SFXN5: variants seen among roughly 807,000 people sequenced by gnomAD.
SFXN5 encodes sideroflexin 5, also known as sideroflexin-5.
Under a neutral mutation model 50.2 loss-of-function variants are expected in SFXN5, and 43 were observed. The ratio of observed to expected loss-of-function variants is 0.86; its 90% CI spans 0.67 to 1.11. SFXN5 has a LOEUF of 1.11. Ranked by LOEUF, SFXN5 falls within the 50% of genes least tolerant of loss-of-function variation. SFXN5 has a pLI of 0.00. For synonymous variants in SFXN5, 203 were observed against 185.8 expected (o/e 1.09, Z -0.75); for missense variants, 463 against 454.1 (o/e 1.02, Z -0.18).
chr2:73,019,363 A>AG (rs913425061), intron 6 of SFXN5: 7 of 150,406 alleles, frequency 4.7e-5, no homozygotes, highest in Non-Finnish European at 7.4e-5. Context: ...CTCAGTTGGG[A>AG]GGGTGTTATA....
At chr2:73,065,360 C>T (rs991259527) in intron 1 of SFXN5, among the ~76,000 whole-genome samples, 12 of 152,090 alleles carry the variant, frequency 7.9e-5, no homozygotes, top group African/African-American at 2.2e-4. Flanking sequence ...CTTGGCCTCT[C>T]GAAGTGCTGG....
intron 2 of SFXN5, among the ~76,000 whole-genome samples, chr2:73,055,230 G>T (rs909732816): frequency 3.3e-5 from 5 of 152,278 alleles, no homozygotes; most frequent in Admixed American, 2.0e-4. Context: ...CTTCTGCCGT[G>T]TAATCTCGGG....
chr2:73,044,087 C>T (rs1172324829), intron 2 of SFXN5, among the ~76,000 whole-genome samples: 1 of 152,146 alleles, frequency 6.6e-6, no homozygotes. Flanking sequence ...TGGTGAATGG[C>T]CCCATGTTCT....
At chr2:73,059,522 T>G in intron 1 of SFXN5, 1 of 985,330 alleles carries the variant, frequency 1.0e-6, no homozygotes, top group Non-Finnish European at 1.2e-6. Context: ...CAATTCCTGT[T>G]CCTTTCCCTT....
At chr2:72,975,754 C>T (rs1670553347) in intron 10 of SFXN5, among the ~76,000 whole-genome samples, 1 of 152,190 alleles carries the variant, frequency 6.6e-6, no homozygotes, top group South Asian at 2.1e-4. Flanking sequence ...TAATTGTTGC[C>T]TAAAACATCT....
chr2:73,032,984 C>T (rs1056451714), intron 3 of SFXN5, among the ~76,000 whole-genome samples: 2 of 152,170 alleles, frequency 1.3e-5, no homozygotes, highest in African/African-American at 4.8e-5. Flanking sequence ...GGACTCTTCG[C>T]CTAGTTCTGC....
chr2:73,070,059 G>A (rs1683461643), intron 1 of SFXN5, among the ~76,000 whole-genome samples: 2 of 152,208 alleles, frequency 1.3e-5, no homozygotes, highest in Non-Finnish European at 2.9e-5. Flanking sequence ...TGTGCAGGAG[G>A]AAGCCTGCGA....
At chr2:73,055,570 G>A (rs1052173180) in intron 2 of SFXN5, among the ~76,000 whole-genome samples, 3 of 151,844 alleles carry the variant, frequency 2.0e-5, no homozygotes, top group Non-Finnish European at 2.9e-5. Flanking sequence ...GGTAGGCTGA[G>A]AGGGGTGGAT....
chr2:73,010,417 G>A lies in SFXN5; in HGVS notation c.358-8839C>T, dbSNP rs557416326. ...TGGCTGGAACTCCAGCAGCCATCTC[G>A]GGCTATGGGGTGACTTTTTACAATA... On this transcript the variant is annotated intron_variant, in intron 6 of 13. Coordinates refer to ENST00000272433, the MANE Select transcript of SFXN5 (RefSeq NM_144579.3). Among the ~76,000 whole-genome samples, 6 of 152,282 alleles carry A rather than the reference G, an allele frequency of 3.9e-5. No individual in the cohort carries two copies. The South Asian group carries it at 6.2e-4, about 16-fold the overall frequency.
chr2:72,943,989 T>C lies in SFXN5; in HGVS notation c.*1033A>G, dbSNP rs1671679118. The C allele has an allele frequency of 6.6e-6, 1 of 152,302 alleles. No individual in the cohort carries two copies. Among genetic ancestry groups the C allele is most frequent in the African/African-American group, 2.4e-5 (1 of 41,464 alleles). 9.4% of individuals were successfully genotyped at this position (152,302 alleles called of 1,614,324 possible). A position where few individuals can be genotyped will look rare whatever the true frequency, so the allele number is the denominator to read the frequency against. On this transcript the variant is annotated 3_prime_UTR_variant, in exon 14 of 14. Transcript: ENST00000272433. The stretch of plus-strand genomic sequence containing the variant: ...CCCACTGCTCCTAGGTTGATGCTGC[T>C]TCTCTGATAGGTGTCTAAGGAGCTG...
chr2:72,989,386 T>C (rs1672299693), intron 9 of SFXN5, among the ~76,000 whole-genome samples: 1 of 152,170 alleles, frequency 6.6e-6, no homozygotes, highest in African/African-American at 2.4e-5. Flanking sequence ...TTTACCTATC[T>C]GTAAAAAGGG....
At chr2:73,035,679 TG>T (rs1394761690) in intron 3 of SFXN5, among the ~76,000 whole-genome samples, 1 of 152,020 alleles carries the variant, frequency 6.6e-6, no homozygotes, top group Non-Finnish European at 1.5e-5. Flanking sequence ...TTTGTATTTT[TG>T]GTAGAGATGG....
At chr2:72,971,498 A>G (rs1675164635) in intron 11 of SFXN5, 72 bp downstream of exon 11, 1 of 1,050,002 alleles carries the variant, frequency 9.5e-7, no homozygotes, top group African/African-American at 1.6e-5. Context: ...CCTGTGGAAG[A>G]CACACGCTAA....
intron 3 of SFXN5, among the ~76,000 whole-genome samples, chr2:73,038,683 T>C (rs1167405924): frequency 2.6e-5 from 4 of 152,346 alleles, no homozygotes; most frequent in African/African-American, 4.8e-5. Context: ...TTTTTTACTT[T>C]ATAAAATTTT....
Position 73,020,305 on chromosome 2 carries a change from C to A in SFXN5, c.332-41G>T, listed in dbSNP as rs773587480. ...AAAGAGTCAGGCCTTATAATCCACT[C>A]ACATCTCACCTGAGATACCCAGGAG... On this transcript the variant is annotated intron_variant, in intron 5 of 13. Transcript: ENST00000272433. The A allele has an allele frequency of 1.2e-5, 20 of 1,609,906 alleles. No homozygotes were observed. In the South Asian group the frequency reaches 2.2e-4, roughly 18 times the overall value.
rs572417019 is a variant in SFXN5 at position 72,989,363 on chromosome 2, T to G, written c.535-1015A>C. Among the ~76,000 whole-genome samples the G allele has an allele frequency of 1.6e-4, 24 of 152,300 alleles. No individual in the cohort carries two copies. In the South Asian group the frequency reaches 4.8e-3, roughly 30 times the overall value. ...CTGAGGCAGGTAAGTCATTTCATCT[T>G]TCTCTGTCTCAGTTTACCTATCTGT... On this transcript the variant is annotated intron_variant, in intron 9 of 13. Coordinates refer to ENST00000272433, the MANE Select transcript of SFXN5 (RefSeq NM_144579.3).
intron 3 of SFXN5, among the ~76,000 whole-genome samples, chr2:73,033,755 A>C (rs1678601285): frequency 6.6e-6 from 1 of 152,216 alleles, no homozygotes; most frequent in Non-Finnish European, 1.5e-5. Flanking sequence ...CTTTTACTCT[A>C]AGTGCAAAAG....
rs962667646 is a variant in SFXN5, at chr2:72,945,315, C to T, written c.946-216G>A. 2.0e-5 allele frequency among the ~76,000 whole-genome samples: 3 copies of T among 152,120 alleles called. No homozygotes were observed. The highest frequency in any genetic ancestry group is 7.2e-5 in the African/African-American group (3 of 41,414). ...TCACAGCATCCCTTCCAGCCCAGAC[C>T]AGATCTCTTTCTTCTGATGGTGTGT... On this transcript the variant is annotated intron_variant, in intron 13 of 13. Transcript: ENST00000272433. The surrounding 1 kb of genome is among the most constrained non-coding windows in gnomAD (Gnocchi z 5.8).
At chr2:73,030,127 A>T (rs1435959882) in intron 3 of SFXN5, among the ~76,000 whole-genome samples, 1 of 152,012 alleles carries the variant, frequency 6.6e-6, no homozygotes, top group South Asian at 2.1e-4. Flanking sequence ...AACAAAAAAA[A>T]ACAAAAACAA....
Sources: gnomAD v4.1 joint callset for allele counts (sites outside exome capture counted in the v4.1 genomes callset) on GRCh38, gnomAD v4.1.1 for gene constraint, Gnocchi (gnomAD v3.1) non-coding constraint, MANE v1.5 for transcripts, NCBI Gene and HGNC (gene_info 2026-07-23, HGNC 2026-07-21) for gene names.